ASPH: variants seen among roughly 807,000 people sequenced by gnomAD.
ASPH encodes aspartate beta-hydroxylase.
In ASPH, 100 loss-of-function variants were observed where a neutral mutation model predicts 118.4. That is an observed-to-expected ratio of 0.84 (90% CI 0.72 to 1.00). The LOEUF is 1.00. Among genes scored for constraint, ASPH ranks in the 50% least tolerant of loss-of-function variants. ASPH has a pLI of 0.00. For missense variants in ASPH, 920 were observed against 919.5 expected (o/e 1.00, Z -0.01); for synonymous variants, 315 against 325.6 (o/e 0.97, Z 0.35).
chr8:61,653,460 CT>C, intron 4 of ASPH, 107 bp downstream of exon 4: 2 of 1,015,804 alleles, frequency 2.0e-6, no homozygotes, highest in Non-Finnish European at 2.9e-6. Context: ...GTTAATTATT[CT>C]GTAAATGATG....
In ASPH at chr8:61,527,909, T is replaced by G. The variant is rs148176418; in HGVS notation, c.1765-1797A>C. 1.5e-4 allele frequency among the ~76,000 whole-genome samples: 23 copies of G among 152,336 alleles called. No homozygotes were observed. In the East Asian group the frequency reaches 4.4e-3, roughly 29 times the overall value. On this transcript the variant is annotated intron_variant, in intron 21 of 24. Transcript: ENST00000379454. ...TTGTAGTTGTTTTCAAAAACTGTTC[T>G]TTGACTTGGTTGCAGAAAAACAAAT... is the stretch of plus-strand genomic sequence containing the variant.
At chr8:61,619,277 A>G (rs929703740) in intron 13 of ASPH, among the ~76,000 whole-genome samples, 1 of 152,188 alleles carries the variant, frequency 6.6e-6, no homozygotes, top group East Asian at 1.9e-4. Flanking sequence ...CTCCTTGTCT[A>G]TAAGATAAGA....
At chr8:61,534,418 T>C (rs1306738890) in intron 21 of ASPH, among the ~76,000 whole-genome samples, 1 of 152,216 alleles carries the variant, frequency 6.6e-6, no homozygotes, top group East Asian at 1.9e-4. Context: ...AATTCGTTTT[T>C]AAGAGATCAT....
At chr8:61,563,806 TCTC>T (rs951294414) in intron 17 of ASPH, among the ~76,000 whole-genome samples, 6 of 152,152 alleles carry the variant, frequency 3.9e-5, no homozygotes, top group East Asian at 1.9e-4. Context: ...CTTCTAGAAA[TCTC>T]CTATTATCCA....
At position 61,562,837 on chromosome 8, in the gene ASPH, T is replaced by C. The variant is rs754945532; in HGVS notation, c.1344A>G (p.Gln448=). Reference sequence around the variant, plus strand: ...TTAAGGAAGTATCATTGGGAAATAGTTGAACTAATCTCTGCAGGGTAAGCA... The same window carrying C: ...TTAAGGAAGTATCATTGGGAAATAGCTGAACTAATCTCTGCAGGGTAAGCA... ...GSLLTLQRLV[Q]LFPNDTSLKN... Residue 448 remains glutamine (Q), a synonymous_variant, in exon 18 of 25, where the codon CAA becomes CAG. Transcript: ENST00000379454. 1 of 1,612,722 alleles carries C rather than the reference T, an allele frequency of 6.2e-7. No homozygotes were observed. Among genetic ancestry groups the C allele is most frequent in the Non-Finnish European group, 8.5e-7 (1 of 1,179,552 alleles).
At chr8:61,605,204 A>G (rs1845194818) in intron 14 of ASPH, among the ~76,000 whole-genome samples, 1 of 152,234 alleles carries the variant, frequency 6.6e-6, no homozygotes, top group East Asian at 1.9e-4. Context: ...TCATGTGGAT[A>G]AAGTTTATCA....
In ASPH at chr8:61,644,636, G is replaced by GAAA; in HGVS notation, c.620-7_620-5dup. ...ACGTGGTAACTATGCTCGGTTTCTG[G>GAAA]AAAAAAAAAAATTAGATTGATATTT... On this transcript the variant is annotated splice_region_variant and splice_polypyrimidine_tract_variant and intron_variant, in intron 6 of 24. Transcript: ENST00000379454. The GAAA allele has an allele frequency of 1.6e-6, 2 of 1,275,334 alleles. No individual in the cohort carries two copies. The highest frequency in any genetic ancestry group is 2.1e-6 in the Non-Finnish European group (2 of 936,966). The allele number at this position is 1,275,334 out of a possible 1,614,324, so 79.0% of individuals were successfully genotyped here.
intron 24 of ASPH, among the ~76,000 whole-genome samples, chr8:61,505,493 C>CAAAAAAAA: frequency 9.0e-6 from 1 of 110,562 alleles, no homozygotes; most frequent in Non-Finnish European, 1.9e-5. Flanking sequence ...GACTCCATCT[C>CAAAAAAAA]AAAAAAAAAA....
rs1426054394 is a variant in ASPH, at chr8:61,714,536, G to A, written c.-165C>T. On this transcript the variant is annotated 5_prime_UTR_variant, in exon 1 of 25. Coordinates refer to ENST00000379454, the MANE Select transcript of ASPH (RefSeq NM_004318.4). ...CAGCACCGCCTGCAGCACCTGGGAA[G>A]ACTTCACCCGCCTGCCGGCTGCGCG... is the stretch of plus-strand genomic sequence containing the variant. The A allele has an allele frequency of 9.4e-7, 1 of 1,067,214 alleles. No individual in the cohort carries two copies. 66.1% of individuals were successfully genotyped at this position (1,067,214 alleles called of 1,614,324 possible).
intron 14 of ASPH, among the ~76,000 whole-genome samples, chr8:61,604,502 T>C (rs1318925619): frequency 6.6e-6 from 1 of 152,238 alleles, no homozygotes; most frequent in Admixed American, 6.5e-5. Flanking sequence ...CATGAATTAT[T>C]TTTATTACAA....
At position 61,509,582 on chromosome 8, in the gene ASPH, G is replaced by A. The variant is rs1808020265; in HGVS notation, c.2127-6073C>T. Among the ~76,000 whole-genome samples, 6 of 152,244 alleles carry A rather than the reference G, an allele frequency of 3.9e-5. No individual in the cohort carries two copies. In the South Asian group the frequency reaches 8.3e-4, roughly 21 times the overall value. On this transcript the variant is annotated intron_variant, in intron 24 of 24. Transcript: ENST00000379454. Reference sequence around the variant, plus strand: ...GTCTGTATGACCTGTATCTTTGGCTGACCTCCTATCTCATCCTGTGACTTA... The same window carrying A: ...GTCTGTATGACCTGTATCTTTGGCTAACCTCCTATCTCATCCTGTGACTTA...
At chr8:61,518,830 C>T (rs1325827436) in intron 22 of ASPH, among the ~76,000 whole-genome samples, 1 of 152,130 alleles carries the variant, frequency 6.6e-6, no homozygotes, top group Non-Finnish European at 1.5e-5. Context: ...TTCTTGGCAG[C>T]GTGTCCATCA....
chr8:61,582,752 GTTGT>G (rs1837977566), intron 15 of ASPH, among the ~76,000 whole-genome samples: 1 of 152,126 alleles, frequency 6.6e-6, no homozygotes, highest in Admixed American at 6.5e-5. Context: ...TGTTTTTATT[GTTGT>G]TTGTTTACTT....
intron 14 of ASPH, among the ~76,000 whole-genome samples, chr8:61,602,991 G>A (rs532805336): frequency 8.2e-4 from 125 of 151,922 alleles, no homozygotes; most frequent in African/African-American, 2.8e-3. Context: ...TCAGGAGTTC[G>A]AGACCAGTCT....
intron 3 of ASPH, among the ~76,000 whole-genome samples, chr8:61,655,964 C>T (rs769099255): frequency 1.3e-5 from 2 of 152,122 alleles, no homozygotes; most frequent in African/African-American, 4.8e-5. Context: ...ACTATAATTG[C>T]TTTAACAACC....
chr8:61,684,883 A>G (rs1198080919), intron 1 of ASPH, among the ~76,000 whole-genome samples: 1 of 152,222 alleles, frequency 6.6e-6, no homozygotes, highest in Non-Finnish European at 1.5e-5. Flanking sequence ...ATTTGATATT[A>G]ACAGAAAATA....
intron 14 of ASPH, among the ~76,000 whole-genome samples, chr8:61,618,661 A>C (rs927713397): frequency 3.9e-5 from 6 of 152,228 alleles, no homozygotes; most frequent in Non-Finnish European, 8.8e-5. Context: ...CACAGCCTTC[A>C]GAAGTTGGTA....
chr8:61,607,535 T>C (rs1473290254), intron 14 of ASPH, among the ~76,000 whole-genome samples: 3 of 152,038 alleles, frequency 2.0e-5, no homozygotes, highest in Non-Finnish European at 2.9e-5. Context: ...ACATATCTAG[T>C]AGTAAATAAT....
At chr8:61,639,848 G>A (rs1015789066) in intron 10 of ASPH, among the ~76,000 whole-genome samples, 5 of 152,112 alleles carry the variant, frequency 3.3e-5, no homozygotes, top group East Asian at 1.9e-4. Context: ...TCTCTCCCAC[G>A]TTAGGAAAAG....
Sources: gnomAD v4.1 joint callset for allele counts (sites outside exome capture counted in the v4.1 genomes callset) on GRCh38, gnomAD v4.1.1 for gene constraint, MANE v1.5 for transcripts, NCBI Gene and HGNC (gene_info 2026-07-23, HGNC 2026-07-21) for gene names.